Variants in SCN9A observed in about 807,000 individuals in gnomAD.
The protein encoded by SCN9A is sodium channel protein type 9 subunit alpha.
A neutral mutation model predicts 187.0 loss-of-function variants in SCN9A; 131 were observed. That is an observed-to-expected ratio of 0.70 (90% confidence interval 0.61 to 0.81). The LOEUF (loss-of-function observed/expected upper bound fraction) is 0.81. SCN9A is among the 30% of genes least tolerant of loss of function. The pLI is 0.00. For synonymous variants in SCN9A, 809 were observed against 808.6 expected (o/e 1.00, Z -0.01); for missense variants, 2,252 against 2,396.6 (o/e 0.94, Z 1.26).
chr2:166,254,266 T>C (rs1290947427), intron 17 of SCN9A, among the ~76,000 whole-genome samples: 1 of 151,628 alleles, frequency 6.6e-6, no homozygotes, highest in Non-Finnish European at 1.5e-5. Flanking sequence ...TTATGGCTAA[T>C]AGATTCTTAG....
rs1426684193 is a variant in SCN9A, at chr2:166,199,348, C to G, written c.5291G>C (p.Ser1764Thr). The part of the protein sequence containing the change: ...MYIAVILENF[S>T]VATEESTEPL... The stretch of plus-strand genomic sequence containing the variant: ...TTCAGTACTTTCTTCAGTGGCAACA[C>G]TAAAATTCTCCAGTATGACTGCAAT... Residue 1764 changes from serine to threonine, a missense_variant, in exon 27 of 27, where the codon AGT (serine) becomes ACT (threonine). Coordinates refer to ENST00000642356, the MANE Select transcript of SCN9A (RefSeq NM_001365536.1). The G allele has an allele frequency of 1.2e-6, 2 of 1,614,160 alleles. No individual in the cohort carries two copies. Among genetic ancestry groups the G allele is most frequent in the South Asian group, 2.2e-5 (2 of 91,084 alleles).
chr2:166,306,525 C>G lies in SCN9A; in HGVS notation c.452G>C (p.Trp151Ser). 6.4e-7 allele frequency: 1 copy of G among 1,565,744 alleles called. No individual in the cohort carries two copies. The highest frequency in any genetic ancestry group is 8.7e-7 in the Non-Finnish European group (1 of 1,149,010). Residue 151 changes from tryptophan (W) to serine (S), a missense_variant, in exon 4 of 27, where the codon TGG becomes TCG. Trp to Ser is a radical substitution (Grantham distance 177). Transcript: ENST00000642356. ...IFMTMNNPPDWTKNVEYTFTG... is the reference protein window; with the variant it reads ...IFMTMNNPPDSTKNVEYTFTG... Reference sequence around the variant, plus strand: ...ACCCACTTACTCGACATTTTTGGTCCAGTCCGGTGGGTTATTCATGGTCAT... The same window carrying G: ...ACCCACTTACTCGACATTTTTGGTCGAGTCCGGTGGGTTATTCATGGTCAT...
Position 166,251,897 on chromosome 2 carries a change from T to C in SCN9A, c.3352-12A>G. The C allele has an allele frequency of 6.2e-7, 1 of 1,611,774 alleles. No individual in the cohort carries two copies. The highest frequency in any genetic ancestry group is 8.5e-7 in the Non-Finnish European group (1 of 1,178,644). On this transcript the variant is annotated splice_polypyrimidine_tract_variant and intron_variant, in intron 17 of 26. Coordinates refer to ENST00000642356, the MANE Select transcript of SCN9A (RefSeq NM_001365536.1). ...GACCGGTTTAATCTCTAGAAAGGAA[T>C]TCACCACCCCACCAGGTAGTTCATT... is the stretch of plus-strand genomic sequence containing the variant.
chr2:166,198,899 TTGATA>T lies in SCN9A; in HGVS notation c.5735_5739del (p.Ile1912LysfsTer11), dbSNP rs768125863. The T allele has an allele frequency of 9.9e-6, 16 of 1,613,688 alleles. No homozygotes were observed. The East Asian group carries it at 3.1e-4, about 31-fold the overall frequency. ...CTGTCTCCATCTTTTATGTATATAC[TTGATA>T]TATTTTTGACATTTTGCCTTAAGCG... On this transcript the variant is annotated frameshift_variant, in exon 27 of 27. Transcript: ENST00000642356. LOFTEE classifies it high-confidence loss of function.
At chr2:166,270,000 A>G (rs1206230244) in intron 17 of SCN9A, among the ~76,000 whole-genome samples, 1 of 152,064 alleles carries the variant, frequency 6.6e-6, no homozygotes, top group East Asian at 1.9e-4. Flanking sequence ...ATATGATACT[A>G]AACCTAGATG....
At chr2:166,325,778 T>C (rs1299553062) in intron 1 of SCN9A, among the ~76,000 whole-genome samples, 2 of 152,156 alleles carry the variant, frequency 1.3e-5, no homozygotes, top group East Asian at 3.9e-4. Context: ...TCTGAGATTC[T>C]CATTTTACTG....
chr2:166,235,302 G>C lies in SCN9A; in HGVS notation c.3802-1840C>G, dbSNP rs537159015. ...TAAGACTATGGTATAGTTTGTAACT[G>C]AGAATATATATGCATATATATTCAC... On this transcript the variant is annotated intron_variant, in intron 20 of 26. Coordinates refer to ENST00000642356, the MANE Select transcript of SCN9A (RefSeq NM_001365536.1). Among the ~76,000 whole-genome samples, 421 of 152,072 alleles carry C rather than the reference G, an allele frequency of 2.8e-3. 4 individuals are homozygous for C. Among genetic ancestry groups the C allele is most frequent in the African/African-American group, 9.3e-3 (385 of 41,474 alleles).
At chr2:166,353,507 A>G (rs1219914855) in intron 1 of SCN9A, among the ~76,000 whole-genome samples, 1 of 152,174 alleles carries the variant, frequency 6.6e-6, no homozygotes, top group Non-Finnish European at 1.5e-5. Flanking sequence ...TTTGCAGTCT[A>G]CATTCCAGCT....
At position 166,303,976 on chromosome 2, in the gene SCN9A, T is replaced by TA; in HGVS notation, c.688+261dup. The TA allele has an allele frequency of 4.0e-6, 6 of 1,512,318 alleles. No homozygotes were observed. In the South Asian group the frequency reaches 4.6e-5, roughly 12 times the overall value. The allele number at this position is 1,512,318 out of a possible 1,614,324, so 93.7% of individuals were successfully genotyped here. On this transcript the variant is annotated intron_variant, in intron 6 of 26. Coordinates refer to ENST00000642356, the MANE Select transcript of SCN9A (RefSeq NM_001365536.1). The stretch of plus-strand genomic sequence containing the variant: ...AAATTGCATAAAGAAAGGTTTTTTT[T>TA]ATGTCTTTCTTTCAAAAGATCAAAG...
chr2:166,288,120 T>TATATATACACACACACAC (rs56738765), intron 10 of SCN9A, among the ~76,000 whole-genome samples: 3 of 135,562 alleles, frequency 2.2e-5, no homozygotes, highest in Admixed American at 1.5e-4. Context: ...TATATATATA[T>TATATATACACACACACAC]ACACACACAT....
At chr2:166,200,605 T>G (rs533998817) in intron 26 of SCN9A, among the ~76,000 whole-genome samples, 1 of 152,286 alleles carries the variant, frequency 6.6e-6, no homozygotes, top group South Asian at 2.1e-4. Context: ...CACAAACAAA[T>G]GTATTCATGT....
Position 166,197,389 on chromosome 2 carries a change from A to G in SCN9A, c.*1283T>C, listed in dbSNP as rs1484196474. The G allele has an allele frequency of 6.6e-6, 1 of 152,176 alleles. No homozygotes were observed. The highest frequency in any genetic ancestry group is 1.5e-5 in the Non-Finnish European group (1 of 67,990). The allele number at this position is 152,176 out of a possible 1,614,324, so 9.4% of individuals were successfully genotyped here. ...ATTGAGGCAAAATATATTTCACATC[A>G]TAGAATTTTAAGGAGAAGGTGACAT... On this transcript the variant is annotated 3_prime_UTR_variant, in exon 27 of 27. Transcript: ENST00000642356.
chr2:166,275,932 T>C (rs1334651767), intron 16 of SCN9A, among the ~76,000 whole-genome samples: 7 of 152,166 alleles, frequency 4.6e-5, no homozygotes, highest in East Asian at 3.9e-4. Flanking sequence ...AACAATATTT[T>C]AGTAATTTTT....
At chr2:166,252,882 G>A (rs997102131) in intron 17 of SCN9A, among the ~76,000 whole-genome samples, 5 of 151,796 alleles carry the variant, frequency 3.3e-5, no homozygotes, top group Non-Finnish European at 7.4e-5. Flanking sequence ...GCATATCAAT[G>A]GAAGAGTTAA....
chr2:166,199,700 T>C lies in SCN9A; in HGVS notation c.4939A>G (p.Ile1647Val). Residue 1647 changes from isoleucine to valine, a missense_variant, in exon 27 of 27, where the codon ATC becomes GTC. By Grantham distance (29) the Ile-to-Val change is conservative. This residue lies in a region of SCN9A where 84 missense variants were observed against 134.2 expected (regional missense o/e 0.63). Transcript: ENST00000642356. ...ATGACCAGGAAGAGCAGGAGGCCGA[T>C]GTTAAACAACGCAGGAAGGGACATC... ...LMMSLPALFN[I>V]GLLLFLVMFI... 6.2e-7 allele frequency: 1 copy of C among 1,614,072 alleles called. No individual in the cohort carries two copies. Among genetic ancestry groups the C allele is most frequent in the Non-Finnish European group, 8.5e-7 (1 of 1,180,016 alleles).
chr2:166,333,491 G>A (rs1364668878), intron 1 of SCN9A, among the ~76,000 whole-genome samples: 5 of 151,940 alleles, frequency 3.3e-5, no homozygotes, highest in African/African-American at 7.2e-5. Context: ...TGAGAACATC[G>A]TGAAGTCCAG....
intron 16 of SCN9A, among the ~76,000 whole-genome samples, chr2:166,276,168 A>T (rs1209787090): frequency 6.6e-6 from 1 of 151,852 alleles, no homozygotes; most frequent in Non-Finnish European, 1.5e-5. Context: ...AAAAAAAATA[A>T]AAAAAAAGTA....
rs1695095353 is a variant in SCN9A at position 166,231,732 on chromosome 2, T to C, written c.3924+1608A>G. Among the ~76,000 whole-genome samples the C allele has an allele frequency of 3.3e-5, 5 of 151,752 alleles. No individual in the cohort carries two copies. The South Asian group carries it at 1.0e-3, about 32-fold the overall frequency. On this transcript the variant is annotated intron_variant, in intron 21 of 26. Coordinates refer to ENST00000642356, the MANE Select transcript of SCN9A (RefSeq NM_001365536.1). The stretch of plus-strand genomic sequence containing the variant: ...ATGCCCGGGTAATTTTTTGCATTTT[T>C]AGTAGAGATGGGGTTTCACCATATT...
Position 166,254,156 on chromosome 2 carries a change from A to G in SCN9A, c.3352-2271T>C, listed in dbSNP as rs192281801. On this transcript the variant is annotated intron_variant, in intron 17 of 26. Coordinates refer to ENST00000642356, the MANE Select transcript of SCN9A (RefSeq NM_001365536.1). Reference sequence around the variant, plus strand: ...TGAATTCAGCTTGGCACAGAATTTTACATCATAAAGTTATTCAATATTATT... The same window carrying G: ...TGAATTCAGCTTGGCACAGAATTTTGCATCATAAAGTTATTCAATATTATT... Among the ~76,000 whole-genome samples the G allele has an allele frequency of 2.1e-3, 319 of 151,806 alleles. 2 individuals carry two copies. Among genetic ancestry groups the G allele is most frequent in the Non-Finnish European group, 3.1e-3 (211 of 67,728 alleles).
Sources: allele counts gnomAD v4.1 joint callset (sites outside exome capture counted in the v4.1 genomes callset), GRCh38; gene constraint gnomAD v4.1.1; regional missense constraint gnomAD v4.1.1; transcripts MANE v1.5; gene names NCBI Gene and HGNC (gene_info 2026-07-23, HGNC 2026-07-21).